MYO18B: variants seen among roughly 807,000 people sequenced by gnomAD.
MYO18B encodes unconventional myosin-XVIIIb.
Under a neutral mutation model 273.0 loss-of-function variants are expected in MYO18B, and 204 were observed. The ratio of observed to expected loss-of-function variants is 0.75; its 90% CI spans 0.67 to 0.84. The LOEUF is 0.84. Ranked by LOEUF, MYO18B falls within the 40% of genes least tolerant of loss-of-function variation. MYO18B has a pLI of 0.00. For synonymous variants in MYO18B, 1,330 were observed against 1,305.7 expected (o/e 1.02, Z -0.40); for missense variants, 3,212 against 3,287.6 (o/e 0.98, Z 0.56).
At chr22:26,003,410 A>G in intron 41 of MYO18B, 101 bp downstream of exon 41, 1 of 1,010,130 alleles carries the variant, frequency 9.9e-7, no homozygotes, top group Admixed American at 2.0e-5. Context: ...TTGGAGAATT[A>G]TCAGTGATGC....
At chr22:25,992,532 G>A (rs1272693653) in intron 40 of MYO18B, 39 bp downstream of exon 40, 1 of 1,612,192 alleles carries the variant, frequency 6.2e-7, no homozygotes, top group Admixed American at 1.7e-5. Flanking sequence ...GGCGCAGCAG[G>A]TGGGCGGCAT....
Position 25,768,820 on chromosome 22 carries a change from G to C in MYO18B, c.904G>C (p.Val302Leu), listed in dbSNP as rs765793569. 17 of 1,611,232 alleles carry C rather than the reference G, an allele frequency of 1.1e-5. No individual in the cohort carries two copies. The highest frequency in any genetic ancestry group is 5.0e-5 in the Admixed American group (3 of 59,582). ...GGAAAAGGGGAATGTCTCTAAGGAC[G>C]TAGGGAGTGAAGGGAAGCACGTAAG... ...TVEKGNVSKD[V>L]GSEGKHVRPQ... The change falls in exon 4 of 44, where the codon GTA becomes CTA. Residue 302 changes from valine to leucine, a missense_variant. Physicochemically the swap from Val to Leu is conservative, Grantham distance 32. Transcript: ENST00000335473.
intron 20 of MYO18B, among the ~76,000 whole-genome samples, chr22:25,848,933 G>A: frequency 6.6e-6 from 1 of 152,200 alleles, no homozygotes; most frequent in Non-Finnish European, 1.5e-5. Context: ...GTTAATAAGG[G>A]ACCCCTGGGC....
chr22:25,869,686 T>G (rs534637567), intron 22 of MYO18B, among the ~76,000 whole-genome samples: 1 of 152,176 alleles, frequency 6.6e-6, no homozygotes, highest in East Asian at 1.9e-4. Flanking sequence ...GTGGCATTAT[T>G]GGCTATTTGT....
At chr22:26,063,662 C>T in the MYO18B span, among the ~76,000 whole-genome samples, 1 of 152,120 alleles carries the variant, frequency 6.6e-6, no homozygotes, top group Non-Finnish European at 1.5e-5. Context: ...AACAACTCCA[C>T]CCCAAAATCC....
intron 34 of MYO18B, among the ~76,000 whole-genome samples, chr22:25,944,340 A>G (rs571835557): frequency 6.6e-6 from 1 of 152,176 alleles, no homozygotes; most frequent in Non-Finnish European, 1.5e-5. Context: ...AACTGCAGGA[A>G]TACATTTTTC....
chr22:25,862,547 AG>A lies in MYO18B; in HGVS notation c.3886-5771del, dbSNP rs555622720. Among the ~76,000 whole-genome samples, 701 of 152,304 alleles carry A rather than the reference AG, an allele frequency of 4.6e-3. 1 individual carries two copies. Among genetic ancestry groups the A allele is most frequent in the African/African-American group, 0.016 (685 of 41,574 alleles). On this transcript the variant is annotated intron_variant, in intron 21 of 43. Transcript: ENST00000335473. ...TTTCTCAGCCTTTGTTTACCTGAGAAGGTCCTTACTTCACCTTCATTTTTGA... is the reference window on the plus strand; with the variant it reads ...TTTCTCAGCCTTTGTTTACCTGAGAAGTCCTTACTTCACCTTCATTTTTGA...
chr22:25,746,983 G>A (rs148750190), intron 1 of MYO18B, among the ~76,000 whole-genome samples: 10 of 152,252 alleles, frequency 6.6e-5, no homozygotes, highest in South Asian at 2.1e-4. Flanking sequence ...TTAGCCAGGC[G>A]TGGTGATGGA....
intron 33 of MYO18B, among the ~76,000 whole-genome samples, chr22:25,917,817 G>C (rs914762994): frequency 6.6e-6 from 1 of 152,028 alleles, no homozygotes; most frequent in African/African-American, 2.4e-5. Context: ...TGATTCAGAA[G>C]CTATAAACTC....
intron 22 of MYO18B, among the ~76,000 whole-genome samples, chr22:25,873,361 C>G (rs1313708503): frequency 6.6e-6 from 1 of 152,206 alleles, no homozygotes; most frequent in Non-Finnish European, 1.5e-5. Flanking sequence ...CAGCCCAGCC[C>G]CATCCTCTCC....
intron 34 of MYO18B, among the ~76,000 whole-genome samples, chr22:25,936,985 A>G (rs544451500): frequency 2.0e-5 from 3 of 152,286 alleles, no homozygotes; most frequent in South Asian, 2.1e-4. Flanking sequence ...GTCTCTGGCA[A>G]TGTGGTAAAC....
At chr22:26,004,927 C>A in intron 42 of MYO18B, 72 bp downstream of exon 42, 1 of 1,577,478 alleles carries the variant, frequency 6.3e-7, no homozygotes, top group Non-Finnish European at 8.6e-7. Context: ...AGTTGTTGTT[C>A]AAGTCTTTCA....
intron 42 of MYO18B, among the ~76,000 whole-genome samples, chr22:26,013,692 TA>T (rs1935088226): frequency 6.6e-6 from 1 of 152,232 alleles, no homozygotes; most frequent in Non-Finnish European, 1.5e-5. Flanking sequence ...TTTTGTTATT[TA>T]AAAAATTAGC....
intron 31 of MYO18B, 129 bp downstream of exon 31, chr22:25,903,960 G>A: frequency 4.0e-6 from 4 of 1,009,220 alleles, no homozygotes; most frequent in Non-Finnish European, 5.8e-6. Flanking sequence ...TTATCCCAGG[G>A]AACCTTTAAG....
In MYO18B at chr22:25,851,496, C is replaced by T. The variant is rs370006917; in HGVS notation, c.3802C>T (p.Arg1268Cys). Residue 1268 changes from arginine (R) to cysteine (C), a missense_variant, in exon 21 of 44, where the codon CGC (arginine) becomes TGC (cysteine). Arg to Cys is a radical substitution (Grantham distance 180). Coordinates refer to ENST00000335473, the MANE Select transcript of MYO18B (RefSeq NM_032608.7). ...CTATGCTGACCACATGGGGCTCACT[C>T]GCTTCCGCCGGCAATTCCAGGTGCT... ...TGYADHMGLTRFRRQFQVLDA... is the reference protein window; with the variant it reads ...TGYADHMGLTCFRRQFQVLDA... The T allele has an allele frequency of 2.1e-5, 33 of 1,558,100 alleles. No homozygotes were observed. The Middle Eastern group carries it at 6.6e-4, about 31-fold the overall frequency.
rs979069647 is a variant in MYO18B at position 25,927,220 on chromosome 22, C to T, written c.5517+5811C>T. Among the ~76,000 whole-genome samples the T allele has an allele frequency of 8.5e-5, 13 of 152,222 alleles. No individual in the cohort carries two copies. In the South Asian group the frequency reaches 1.2e-3, roughly 15 times the overall value. On this transcript the variant is annotated intron_variant, in intron 34 of 43. Coordinates refer to ENST00000335473, the MANE Select transcript of MYO18B (RefSeq NM_032608.7). ...AGAGATAACCTTAAACTCTGACTGC[C>T]GGTGAGCCGGGCGGAACAGAGCCAT...
chr22:25,745,502 C>T (rs1188902637), intron 1 of MYO18B, among the ~76,000 whole-genome samples: 2 of 150,514 alleles, frequency 1.3e-5, no homozygotes, highest in African/African-American at 2.5e-5. Context: ...CACACACACA[C>T]GCACACACAT....
In MYO18B at chr22:25,911,137, A is replaced by G. The variant is rs919763121; in HGVS notation, c.5364+87A>G. 13 of 973,752 alleles carry G rather than the reference A, an allele frequency of 1.3e-5. No individual in the cohort carries two copies. The Middle Eastern group carries it at 8.3e-4, about 62-fold the overall frequency. 60.3% of individuals were successfully genotyped at this position (973,752 alleles called of 1,614,324 possible). A position where few individuals can be genotyped will look rare whatever the true frequency, so the allele number is the denominator to read the frequency against. Reference sequence around the variant, plus strand: ...GCTCATGGAGAGAACAGCCTGAGGGATACCCTCTCCTCCATCAGCTCTGTT... The same window carrying G: ...GCTCATGGAGAGAACAGCCTGAGGGGTACCCTCTCCTCCATCAGCTCTGTT... On this transcript the variant is annotated intron_variant, in intron 33 of 43. Transcript: ENST00000335473.
chr22:25,792,557 C>T (rs2087725710), intron 11 of MYO18B, among the ~76,000 whole-genome samples: 1 of 126,708 alleles, frequency 7.9e-6, no homozygotes, highest in East Asian at 2.6e-4. Flanking sequence ...TGCAATGGCG[C>T]GGTCTCGGCT....
Sources: allele counts gnomAD v4.1 joint callset (sites outside exome capture counted in the v4.1 genomes callset), GRCh38; gene constraint gnomAD v4.1.1; transcripts MANE v1.5; gene names NCBI Gene and HGNC (gene_info 2026-07-23, HGNC 2026-07-21).